Variants in SLC39A7 observed in about 807,000 individuals in gnomAD.
SLC39A7 encodes the protein zinc transporter SLC39A7.
SLC39A7 carries 25 observed loss-of-function variants against 39.7 expected under a neutral mutation model. The observed-to-expected ratio is 0.63, with a 90% confidence interval of 0.46 to 0.88. The LOEUF is 0.88. SLC39A7 is among the 40% of genes least tolerant of loss of function. The pLI is 0.00. For synonymous variants in SLC39A7, 181 were observed against 234.1 expected (o/e 0.77, Z 2.07); for missense variants, 501 against 592.1 (o/e 0.85, Z 1.60).
Position 33,201,069 on chromosome 6 carries a change from G to A in SLC39A7, c.-177G>A. 5.1e-6 allele frequency: 4 copies of A among 786,526 alleles called. No homozygotes were observed. Among genetic ancestry groups the A allele is most frequent in the Non-Finnish European group, 8.7e-6 (4 of 458,058 alleles). 48.7% of individuals were successfully genotyped at this position (786,526 alleles called of 1,614,324 possible). Reference sequence around the variant, plus strand: ...ATTAGTGTCCCAGGGCCCTACATCCGGGAGGTGGTTCGGGATAAAGAGAAC... The same window carrying A: ...ATTAGTGTCCCAGGGCCCTACATCCAGGAGGTGGTTCGGGATAAAGAGAAC... On this transcript the variant is annotated 5_prime_UTR_variant, in exon 1 of 7. Transcript: ENST00000374677. This position sits in a 1 kb window ranked among gnomAD's most constrained non-coding sequence, Gnocchi z 5.9.
At position 33,201,450 on chromosome 6, in the gene SLC39A7, G is replaced by C; in HGVS notation, c.205G>C (p.Glu69Gln). The part of the protein sequence containing the change: ...SHAHGHGHTH[E>Q]SIWHGHTHDH... ...TGCCCATGGCCATGGCCACACTCACGAGAGCATCTGGCATGGACATACCCA... is the reference window on the plus strand; with the variant it reads ...TGCCCATGGCCATGGCCACACTCACCAGAGCATCTGGCATGGACATACCCA... The change falls in exon 1 of 7, where the codon GAG (glutamate) becomes CAG (glutamine). Residue 69 changes from glutamate to glutamine, a missense_variant. Coordinates refer to ENST00000374677, the MANE Select transcript of SLC39A7 (RefSeq NM_006979.3). The surrounding 1 kb of genome is among the most constrained non-coding windows in gnomAD (Gnocchi z 5.9). The C allele has an allele frequency of 6.2e-7, 1 of 1,614,092 alleles. No individual in the cohort carries two copies. The highest frequency in any genetic ancestry group is 8.5e-7 in the Non-Finnish European group (1 of 1,179,976).
At position 33,202,608 on chromosome 6, in the gene SLC39A7, CAA is replaced by C. The variant is rs780681928; in HGVS notation, c.849_850del (p.Val286SerfsTer21). 3.4e-5 allele frequency: 55 copies of C among 1,611,426 alleles called. No individual in the cohort carries two copies. Among genetic ancestry groups the C allele is most frequent in the African/African-American group, 4.0e-5 (3 of 74,648 alleles). ...AGCTCAGAGGAAGAAGAAAAGGAAA[CAA>C]GAGGGGTTCAGAAGAGGCGAGGAGG... On this transcript the variant is annotated frameshift_variant, in exon 5 of 7. Coordinates refer to ENST00000374677, the MANE Select transcript of SLC39A7 (RefSeq NM_006979.3). LOFTEE classifies it high-confidence loss of function.
Position 33,201,319 on chromosome 6 carries a change from T to C in SLC39A7, c.74T>C (p.Val25Ala). 2 of 1,613,690 alleles carry C rather than the reference T, an allele frequency of 1.2e-6. No homozygotes were observed. The highest frequency in any genetic ancestry group is 1.7e-6 in the Non-Finnish European group (2 of 1,179,886). ...ACCTGGGCGACCTTGGGGCTTCTGG[T>C]GGCTGGACTCGGGGGTCATGACGAC... ...LLTWATLGLLVAGLGGHDDLH... is the reference protein window; with the variant it reads ...LLTWATLGLLAAGLGGHDDLH... The change falls in exon 1 of 7, where the codon GTG becomes GCG. Residue 25 changes from valine (V) to alanine (A), a missense_variant. Transcript: ENST00000374677. This position sits in a 1 kb window ranked among gnomAD's most constrained non-coding sequence, Gnocchi z 5.9.
At position 33,202,402 on chromosome 6, in the gene SLC39A7, T is replaced by C; in HGVS notation, c.774T>C (p.Arg258=). The change falls in exon 4 of 7, where the codon CGT becomes CGC. Residue 258 remains arginine, a synonymous_variant. Transcript: ENST00000374677. ...HGHGHAHSHT[R]GSHGHGRQER... is the part of the protein sequence containing the mutation. The stretch of plus-strand genomic sequence containing the variant: ...ATGGACACGCTCACAGTCATACACG[T>C]GGAAGTCATGGACATGGAAGACAAG... 6.2e-7 allele frequency: 1 copy of C among 1,612,788 alleles called. No individual in the cohort carries two copies. Among genetic ancestry groups the C allele is most frequent in the South Asian group, 1.1e-5 (1 of 91,046 alleles).
At position 33,201,232 on chromosome 6, in the gene SLC39A7, C is replaced by T; in HGVS notation, c.-14C>T. 1.2e-6 allele frequency: 2 copies of T among 1,601,742 alleles called. No individual in the cohort carries two copies. Among genetic ancestry groups the T allele is most frequent in the Non-Finnish European group, 1.7e-6 (2 of 1,175,358 alleles). ...TCAAGTGGAGTCACTGCCTCTGTCCCTCTGGTCAGCGTGATGGCCAGAGGC... is the reference window on the plus strand; with the variant it reads ...TCAAGTGGAGTCACTGCCTCTGTCCTTCTGGTCAGCGTGATGGCCAGAGGC... On this transcript the variant is annotated 5_prime_UTR_variant, in exon 1 of 7. Coordinates refer to ENST00000374677, the MANE Select transcript of SLC39A7 (RefSeq NM_006979.3). This position sits in a 1 kb window ranked among gnomAD's most constrained non-coding sequence, Gnocchi z 5.9.
At position 33,203,894 on chromosome 6, in the gene SLC39A7, A is replaced by G. The variant is rs1774813671; in HGVS notation, c.*81A>G. On this transcript the variant is annotated 3_prime_UTR_variant, in exon 7 of 7. Coordinates refer to ENST00000374677, the MANE Select transcript of SLC39A7 (RefSeq NM_006979.3). ...TGCGTAGAGGTTGGGGGCCCTGGCC[A>G]GGGACATCTGCCAAAGGAAGGAACT... is the stretch of plus-strand genomic sequence containing the variant. 2.8e-6 allele frequency: 4 copies of G among 1,411,206 alleles called. No homozygotes were observed. Among genetic ancestry groups the G allele is most frequent in the Non-Finnish European group, 3.0e-6 (3 of 1,012,650 alleles). The allele number at this position is 1,411,206 out of a possible 1,614,324, so 87.4% of individuals were successfully genotyped here.
Position 33,203,000 on chromosome 6 carries a change from G to C in SLC39A7, c.1031G>C (p.Gly344Ala), listed in dbSNP as rs748431549. The C allele has an allele frequency of 1.2e-6, 2 of 1,612,466 alleles. No homozygotes were observed. The highest frequency in any genetic ancestry group is 1.3e-5 in the African/African-American group (1 of 74,860). Residue 344 changes from glycine to alanine, a missense_variant, in exon 6 of 7, where the codon GGC becomes GCC. Physicochemically the swap from Gly to Ala is moderately conservative, Grantham distance 60. Coordinates refer to ENST00000374677, the MANE Select transcript of SLC39A7 (RefSeq NM_006979.3). ...GCCATTGGGGCTTCCTTTCGAGGGG[G>C]CCGGGGACTAGGGATCCTGACCACA... ...GLAIGASFRG[G>A]RGLGILTTMT...
chr6:33,203,897 G>A lies in SLC39A7; in HGVS notation c.*84G>A, dbSNP rs1184099081. The A allele has an allele frequency of 7.3e-7, 1 of 1,377,116 alleles. No homozygotes were observed. Among genetic ancestry groups the A allele is most frequent in the Non-Finnish European group, 1.0e-6 (1 of 984,084 alleles). 85.3% of individuals were successfully genotyped at this position (1,377,116 alleles called of 1,614,324 possible). A position where few individuals can be genotyped will look rare whatever the true frequency, so the allele number is the denominator to read the frequency against. ...GTAGAGGTTGGGGGCCCTGGCCAGG[G>A]ACATCTGCCAAAGGAAGGAACTGTA... On this transcript the variant is annotated 3_prime_UTR_variant, in exon 7 of 7. Coordinates refer to ENST00000374677, the MANE Select transcript of SLC39A7 (RefSeq NM_006979.3).
Position 33,201,353 on chromosome 6 carries a change from C to G in SLC39A7, c.108C>G (p.Asp36Glu). The G allele has an allele frequency of 6.2e-7, 1 of 1,614,134 alleles. No homozygotes were observed. The highest frequency in any genetic ancestry group is 1.1e-5 in the South Asian group (1 of 91,084). Residue 36 changes from aspartate to glutamate, a missense_variant, in exon 1 of 7, where the codon GAC (aspartate) becomes GAG (glutamate). By Grantham distance (45) the Asp-to-Glu change is conservative. Coordinates refer to ENST00000374677, the MANE Select transcript of SLC39A7 (RefSeq NM_006979.3). The surrounding 1 kb of genome is among the most constrained non-coding windows in gnomAD (Gnocchi z 5.9). ...TCGGGGGTCATGACGACCTGCACGACGATCTGCAAGAGGACTTCCATGGCC... is the reference window on the plus strand; with the variant it reads ...TCGGGGGTCATGACGACCTGCACGAGGATCTGCAAGAGGACTTCCATGGCC... The part of the protein sequence containing the change: ...AGLGGHDDLH[D>E]DLQEDFHGHS...
chr6:33,202,998 G>A lies in SLC39A7; in HGVS notation c.1029G>A (p.Gly343=), dbSNP rs778806546. ...TGGCCATTGGGGCTTCCTTTCGAGGGGGCCGGGGACTAGGGATCCTGACCA... is the reference window on the plus strand; with the variant it reads ...TGGCCATTGGGGCTTCCTTTCGAGGAGGCCGGGGACTAGGGATCCTGACCA... ...DGLAIGASFR[G]GRGLGILTTM... is the part of the protein sequence containing the mutation. The change falls in exon 6 of 7, where the codon GGG becomes GGA. Residue 343 remains glycine (G), a synonymous_variant. Transcript: ENST00000374677. The A allele has an allele frequency of 5.0e-6, 8 of 1,612,530 alleles. No homozygotes were observed. Among genetic ancestry groups the A allele is most frequent in the Non-Finnish European group, 8.5e-7 (1 of 1,179,864 alleles).
rs770531629 is a variant in SLC39A7 at position 33,201,965 on chromosome 6, G to C, written c.580+52G>C. On this transcript the variant is annotated intron_variant, in intron 2 of 6. Transcript: ENST00000374677. This position sits in a 1 kb window ranked among gnomAD's most constrained non-coding sequence, Gnocchi z 5.9. ...AATCTAACCTATTTCGTTCTTTGGA[G>C]GAAAAGGGTTCTTTCTCCTTTATGA... 1.9e-6 allele frequency: 3 copies of C among 1,603,516 alleles called. No individual in the cohort carries two copies. Among genetic ancestry groups the C allele is most frequent in the Non-Finnish European group, 2.6e-6 (3 of 1,171,668 alleles).
chr6:33,201,717 G>A lies in SLC39A7; in HGVS notation c.412-28G>A, dbSNP rs761372925. The A allele has an allele frequency of 1.2e-6, 2 of 1,613,874 alleles. No individual in the cohort carries two copies. The highest frequency in any genetic ancestry group is 1.7e-6 in the Non-Finnish European group (2 of 1,179,880). ...TTCTGGATTGTTGGGAAACTCCACA[G>A]TACTTGACCTTGACTCTCCCTCACC... is the stretch of plus-strand genomic sequence containing the variant. On this transcript the variant is annotated intron_variant, in intron 1 of 6. Transcript: ENST00000374677. This position sits in a 1 kb window ranked among gnomAD's most constrained non-coding sequence, Gnocchi z 5.9.
In SLC39A7 at chr6:33,203,900, A is replaced by T; in HGVS notation, c.*87A>T. On this transcript the variant is annotated 3_prime_UTR_variant, in exon 7 of 7. Transcript: ENST00000374677. Reference sequence around the variant, plus strand: ...GAGGTTGGGGGCCCTGGCCAGGGACATCTGCCAAAGGAAGGAACTGTAGCC... The same window carrying T: ...GAGGTTGGGGGCCCTGGCCAGGGACTTCTGCCAAAGGAAGGAACTGTAGCC... 7.4e-7 allele frequency: 1 copy of T among 1,359,488 alleles called. No homozygotes were observed. Among genetic ancestry groups the T allele is most frequent in the South Asian group, 1.2e-5 (1 of 81,976 alleles). The allele number at this position is 1,359,488 out of a possible 1,614,324, so 84.2% of individuals were successfully genotyped here. A position where few individuals can be genotyped will look rare whatever the true frequency, so the allele number is the denominator to read the frequency against.
At position 33,203,604 on chromosome 6, in the gene SLC39A7, A is replaced by C. The variant is rs1355440764; in HGVS notation, c.1201A>C (p.Thr401Pro). ...ALAGTACALLTEGGAVGSEIA... is the reference protein window; with the variant it reads ...ALAGTACALLPEGGAVGSEIA... ...GGCAGGCACAGCCTGTGCCCTTCTC[A>C]CTGAAGGAGGAGCAGTGGGCAGTGA... is the stretch of plus-strand genomic sequence containing the variant. Residue 401 changes from threonine (T) to proline (P), a missense_variant, in exon 7 of 7, where the codon ACT (threonine) becomes CCT (proline). Physicochemically the swap from Thr to Pro is conservative, Grantham distance 38. Coordinates refer to ENST00000374677, the MANE Select transcript of SLC39A7 (RefSeq NM_006979.3). The C allele has an allele frequency of 3.1e-6, 5 of 1,614,170 alleles. No individual in the cohort carries two copies. The highest frequency in any genetic ancestry group is 4.2e-6 in the Non-Finnish European group (5 of 1,180,024).
rs1034934037 is a variant in SLC39A7, at chr6:33,201,294, A to G, written c.49A>G (p.Thr17Ala). 8.7e-6 allele frequency: 14 copies of G among 1,613,570 alleles called. No individual in the cohort carries two copies. Among genetic ancestry groups the G allele is most frequent in the Non-Finnish European group, 1.1e-5 (13 of 1,179,874 alleles). Residue 17 changes from threonine (T) to alanine (A), a missense_variant, in exon 1 of 7, where the codon ACC becomes GCC. Physicochemically the swap from Thr to Ala is moderately conservative, Grantham distance 58 (BLOSUM62 0). Transcript: ENST00000374677. The surrounding 1 kb of genome is among the most constrained non-coding windows in gnomAD (Gnocchi z 5.9). ...APHWVAVGLL[T>A]WATLGLLVAG... Reference sequence around the variant, plus strand: ...CCACTGGGTGGCCGTGGGACTGCTGACCTGGGCGACCTTGGGGCTTCTGGT... The same window carrying G: ...CCACTGGGTGGCCGTGGGACTGCTGGCCTGGGCGACCTTGGGGCTTCTGGT...
At position 33,203,530 on chromosome 6, in the gene SLC39A7, CT is replaced by C. The variant is rs546906698; in HGVS notation, c.1138-10del. 43 of 1,613,496 alleles carry C rather than the reference CT, an allele frequency of 2.7e-5. No homozygotes were observed. In the Admixed American group the frequency reaches 7.0e-4, roughly 26 times the overall value. On this transcript the variant is annotated splice_polypyrimidine_tract_variant and intron_variant, in intron 6 of 6. Coordinates refer to ENST00000374677, the MANE Select transcript of SLC39A7 (RefSeq NM_006979.3). ...ATTGGTGAGTGCCTTTTTCTCTTTT[CT>C]GCCCATCAGGCGATGCGTCTGCAAC...
intron 4 of SLC39A7, 62 bp from the exon 5 acceptor site, chr6:33,202,498 G>T: frequency 1.3e-6 from 2 of 1,598,034 alleles, no homozygotes; most frequent in Admixed American, 1.7e-5. Flanking sequence ...ATGGCCCTCA[G>T]GAGGGAGAGG....
In SLC39A7 at chr6:33,201,403, A is replaced by G. The variant is rs1774539840; in HGVS notation, c.158A>G (p.Asp53Gly). Residue 53 changes from aspartate to glycine, a missense_variant, in exon 1 of 7, where the codon GAT (aspartate) becomes GGT (glycine). By Grantham distance (94) the Asp-to-Gly change is moderately conservative. Transcript: ENST00000374677. This position sits in a 1 kb window ranked among gnomAD's most constrained non-coding sequence, Gnocchi z 5.9. ...HGHSHRHSHE[D>G]FHHGHSHAHG... ...CACAGCCACAGGCACTCACATGAAG[A>G]TTTCCACCATGGCCACAGCCATGCC... is the stretch of plus-strand genomic sequence containing the variant. The G allele has an allele frequency of 6.2e-7, 1 of 1,613,880 alleles. No homozygotes were observed. Among genetic ancestry groups the G allele is most frequent in the Non-Finnish European group, 8.5e-7 (1 of 1,179,902 alleles).
rs563866464 is a variant in SLC39A7, at chr6:33,201,901, C to G, written c.568C>G (p.Pro190Ala). 20 of 1,612,712 alleles carry G rather than the reference C, an allele frequency of 1.2e-5. No homozygotes were observed. Among genetic ancestry groups the G allele is most frequent in the Non-Finnish European group, 1.5e-5 (18 of 1,179,958 alleles). Residue 190 changes from proline to alanine, a missense_variant, in exon 2 of 7, where the codon CCT becomes GCT. Pro to Ala is a conservative substitution (Grantham distance 27). Transcript: ENST00000374677. The surrounding 1 kb of genome is among the most constrained non-coding windows in gnomAD (Gnocchi z 5.9). Reference sequence around the variant, plus strand: ...GGGAGATGCTTTCCTGCACCTCATTCCTCATGCTCTTGGTAAGTAACCTCT... The same window carrying G: ...GGGAGATGCTTTCCTGCACCTCATTGCTCATGCTCTTGGTAAGTAACCTCT... ...LLGDAFLHLI[P>A]HALEPHSHHT...
Sources: gnomAD v4.1 joint callset for allele counts on GRCh38, gnomAD v4.1.1 for gene constraint, Gnocchi (gnomAD v3.1) non-coding constraint, MANE v1.5 for transcripts, NCBI Gene and HGNC (gene_info 2026-07-23, HGNC 2026-07-21) for gene names.